The following DNAJC17 variants were observed in gnomAD, a reference collection of about 807,000 sequenced individuals.
DNAJC17 encodes DnaJ heat shock protein family (Hsp40) member C17.
In DNAJC17, 35 loss-of-function variants were observed where a neutral mutation model predicts 48.1. The observed-to-expected ratio is 0.73, with a 90% confidence interval of 0.56 to 0.96. The LOEUF (loss-of-function observed/expected upper bound fraction) is 0.96. Among genes scored for constraint, DNAJC17 ranks in the 50% least tolerant of loss-of-function variants. DNAJC17 has a pLI of 0.00. For missense variants in DNAJC17, 355 were observed against 377.1 expected, an observed-to-expected ratio of 0.94 and a Z score of 0.48; for synonymous variants, 117 against 142.7, an observed-to-expected ratio of 0.82 and a Z score of 1.28.
intron 1 of DNAJC17, among the ~76,000 whole-genome samples, chr15:40,796,787 A>G (rs1276050936): frequency 1.3e-5 from 2 of 152,114 alleles, no homozygotes; most frequent in Non-Finnish European, 2.9e-5. Context: ...TTGTGACCCA[A>G]TCTCACTCTG....
chr15:40,792,265 T>C (rs193257950), intron 1 of DNAJC17, among the ~76,000 whole-genome samples: 19 of 152,320 alleles, frequency 1.2e-4, no homozygotes, highest in African/African-American at 3.6e-4. Context: ...GGTACCAAGA[T>C]AATAGCTAGC....
intron 1 of DNAJC17, among the ~76,000 whole-genome samples, chr15:40,791,112 A>G (rs947984617): frequency 6.6e-6 from 1 of 152,032 alleles, no homozygotes; most frequent in Non-Finnish European, 1.5e-5. Flanking sequence ...CCAAGGTGGG[A>G]GGATCCCTTG....
chr15:40,770,630 G>A lies in DNAJC17; in HGVS notation c.793-2568C>T. The A allele has an allele frequency of 6.4e-7, 1 of 1,550,510 alleles. No individual in the cohort carries two copies. The highest frequency in any genetic ancestry group is 1.4e-5 in the African/African-American group (1 of 73,174). On this transcript the variant is annotated intron_variant, in intron 10 of 10. Transcript: ENST00000220496. This position sits in a 1 kb window ranked among gnomAD's most constrained non-coding sequence, Gnocchi z 5.0. Reference sequence around the variant, plus strand: ...GCACAGCAGGTGGGGACCACGAGGAGTACAGCAACCGAGAAGTCATCCGGG... The same window carrying A: ...GCACAGCAGGTGGGGACCACGAGGAATACAGCAACCGAGAAGTCATCCGGG...
chr15:40,789,596 T>C (rs1889737987), intron 1 of DNAJC17, among the ~76,000 whole-genome samples: 1 of 151,934 alleles, frequency 6.6e-6, no homozygotes, highest in Admixed American at 6.6e-5. Context: ...CCCCACTGCC[T>C]GCTGTCACTC....
intron 1 of DNAJC17, among the ~76,000 whole-genome samples, chr15:40,783,659 T>C (rs555186570): frequency 6.6e-6 from 1 of 152,060 alleles, no homozygotes; most frequent in African/African-American, 2.4e-5. Context: ...AGGTCTGGAG[T>C]TTGAGACCAG....
Position 40,779,329 on chromosome 15 carries a change from A to C in DNAJC17, c.208-19T>G. On this transcript the variant is annotated intron_variant, in intron 3 of 10. Transcript: ENST00000220496. The stretch of plus-strand genomic sequence containing the variant: ...ATGCAGCCTGGCAGGAGAAAGGGGC[A>C]CAGGGCAGAGGGTCAGTGAGAGAGT... 1 of 1,613,466 alleles carries C rather than the reference A, an allele frequency of 6.2e-7. No homozygotes were observed. The highest frequency in any genetic ancestry group is 8.5e-7 in the Non-Finnish European group (1 of 1,179,608).
intron 1 of DNAJC17, among the ~76,000 whole-genome samples, chr15:40,800,707 C>A (rs1456397107): frequency 1.3e-5 from 2 of 150,934 alleles, no homozygotes; most frequent in Non-Finnish European, 2.9e-5. Flanking sequence ...AAAAGGTCAG[C>A]TGGGCACGGT....
In DNAJC17 at chr15:40,769,442, A is replaced by G. The variant is rs1252623349; in HGVS notation, c.793-1380T>C. Among the ~76,000 whole-genome samples the G allele has an allele frequency of 1.3e-5, 2 of 152,232 alleles. No homozygotes were observed. The highest frequency in any genetic ancestry group is 2.9e-5 in the Non-Finnish European group (2 of 68,036). On this transcript the variant is annotated intron_variant, in intron 10 of 10. Coordinates refer to ENST00000220496, the MANE Select transcript of DNAJC17 (RefSeq NM_018163.3). This position sits in a 1 kb window ranked among gnomAD's most constrained non-coding sequence, Gnocchi z 4.2. The stretch of plus-strand genomic sequence containing the variant: ...AGGCCAAGAGGAGGCCACATCTCCC[A>G]TCCCCAGGTTAATGCTGCTCTGCCA...
At chr15:40,796,877 C>T (rs1421056465) in intron 1 of DNAJC17, among the ~76,000 whole-genome samples, 1 of 152,198 alleles carries the variant, frequency 6.6e-6, no homozygotes, top group African/African-American at 2.4e-5. Context: ...TCCTCAGCCT[C>T]CCGAGTAAAG....
chr15:40,806,214 T>C (rs149898369), intron 1 of DNAJC17, among the ~76,000 whole-genome samples: 2,402 of 144,836 alleles, frequency 0.017, 63 homozygotes, highest in African/African-American at 0.058. Context: ...GCACTATTTT[T>C]TTTTCCTTTT....
rs781237478 is a variant in DNAJC17, at chr15:40,774,385, C to T, written c.652G>A (p.Val218Met). Residue 218 changes from valine to methionine, a missense_variant, in exon 9 of 11, where the codon GTG (valine) becomes ATG (methionine). Physicochemically the swap from Val to Met is conservative, Grantham distance 21. This residue lies in a region of DNAJC17 where 68 missense variants were observed against 109.5 expected (regional missense o/e 0.62). Transcript: ENST00000220496. ...VLSSKKPGTA[V>M]VEFATVKAAE... ...GCCTTGACGGTTGCAAACTCCACCA[C>T]AGCAGTGCCTGGCTTCTTACTGGAA... 1.2e-6 allele frequency: 2 copies of T among 1,614,074 alleles called. No homozygotes were observed. The highest frequency in any genetic ancestry group is 1.3e-5 in the African/African-American group (1 of 75,072).
chr15:40,775,691 G>T, intron 6 of DNAJC17, 95 bp from the exon 7 acceptor site: 2 of 1,306,450 alleles, frequency 1.5e-6, no homozygotes, highest in Non-Finnish European at 2.2e-6. Context: ...GTCTGGAAAG[G>T]GTCACTCCTG....
intron 1 of DNAJC17, among the ~76,000 whole-genome samples, chr15:40,785,131 A>G (rs934783): frequency 0.047 from 7,116 of 152,044 alleles, 548 homozygotes; most frequent in African/African-American, 0.16. Context: ...CAACAACAAC[A>G]TCTCTGAAAG....
At chr15:40,774,193 C>G (rs776726873) in intron 9 of DNAJC17, 163 bp downstream of exon 9, 1 of 761,534 alleles carries the variant, frequency 1.3e-6, no homozygotes, top group East Asian at 2.5e-5. Flanking sequence ...CACGGTGCCT[C>G]TATTTCCAGG....
intron 1 of DNAJC17, among the ~76,000 whole-genome samples, chr15:40,796,590 A>T (rs1889944778): frequency 6.6e-6 from 1 of 152,208 alleles, no homozygotes; most frequent in Non-Finnish European, 1.5e-5. Flanking sequence ...ATCCAAAGAA[A>T]ACAGAAAATT....
chr15:40,774,789 AG>A (rs1175415235), intron 8 of DNAJC17, among the ~76,000 whole-genome samples: 1 of 152,218 alleles, frequency 6.6e-6, no homozygotes, highest in Non-Finnish European at 1.5e-5. Flanking sequence ...TTTGCTTCTA[AG>A]GGTAAGGGTT....
Position 40,767,605 on chromosome 15 carries a change from A to C in DNAJC17, c.*335T>G. The stretch of plus-strand genomic sequence containing the variant: ...CTGGGCCGAGGGCCTTGTGTAGGCC[A>C]TGTTCCTCGGGCAGCTGCCCCGGGC... On this transcript the variant is annotated 3_prime_UTR_variant, in exon 11 of 11. Transcript: ENST00000220496. 1 of 585,642 alleles carries C rather than the reference A, an allele frequency of 1.7e-6. No individual in the cohort carries two copies. The highest frequency in any genetic ancestry group is 2.9e-6 in the Non-Finnish European group (1 of 346,938). 36.3% of individuals were successfully genotyped at this position (585,642 alleles called of 1,614,324 possible). A position where few individuals can be genotyped will look rare whatever the true frequency, so the allele number is the denominator to read the frequency against.
At chr15:40,774,089 G>A (rs1889246181) in intron 9 of DNAJC17, among the ~76,000 whole-genome samples, 1 of 152,160 alleles carries the variant, frequency 6.6e-6, no homozygotes, top group Non-Finnish European at 1.5e-5. Context: ...AGCCCCAAGG[G>A]GTGCAGGTGG....
intron 4 of DNAJC17, among the ~76,000 whole-genome samples, chr15:40,777,721 A>G (rs1889371636): frequency 6.9e-6 from 1 of 145,708 alleles, no homozygotes; most frequent in Non-Finnish European, 1.5e-5. Context: ...TCCGTTTAAG[A>G]AAAAAAAAAA....
Sources: allele counts gnomAD v4.1 joint callset (sites outside exome capture counted in the v4.1 genomes callset), GRCh38; gene constraint gnomAD v4.1.1; regional missense constraint gnomAD v4.1.1; non-coding constraint Gnocchi (gnomAD v3.1); transcripts MANE v1.5; gene names NCBI Gene and HGNC (gene_info 2026-07-23, HGNC 2026-07-21).